PRKCH: variants seen among roughly 807,000 people sequenced by gnomAD.
PRKCH encodes the protein protein kinase C eta.
PRKCH carries 28 observed loss-of-function variants against 82.5 expected under a neutral mutation model. That is an observed-to-expected ratio of 0.34 (90% CI 0.25 to 0.47). The LOEUF (loss-of-function observed/expected upper bound fraction) is 0.47. PRKCH is among the 20% of genes least tolerant of loss of function. The pLI is 1.00. For synonymous variants in PRKCH, 322 were observed against 327.4 expected (o/e 0.98, Z 0.18); for missense variants, 705 against 881.8 (o/e 0.80, Z 2.54).
At position 61,217,391 on chromosome 14, in the gene PRKCH, G is replaced by GA. The variant is rs2044623510; in HGVS notation, c.-19+29724dup. 2.0e-5 allele frequency among the ~76,000 whole-genome samples: 3 copies of GA among 152,188 alleles called. No individual in the cohort carries two copies. In the South Asian group the frequency reaches 6.2e-4, roughly 32 times the overall value. On this transcript the variant is annotated intron_variant, in intron 1 of 3. Transcript: ENST00000555185. ...CATGCCACTACACTCCAGCCTAGGTGACGGAGCAAGACCCTGTCTCAAAAA... is the reference window on the plus strand; with the variant it reads ...CATGCCACTACACTCCAGCCTAGGTGAACGGAGCAAGACCCTGTCTCAAAAA...
At chr14:61,502,519 G>A (rs1886963901) in intron 10 of PRKCH, among the ~76,000 whole-genome samples, 1 of 152,122 alleles carries the variant, frequency 6.6e-6, no homozygotes, top group South Asian at 2.1e-4. Flanking sequence ...TTTCTTTCCA[G>A]CACTACTGCT....
At chr14:61,382,472 C>G (rs1037963082) in intron 1 of PRKCH, among the ~76,000 whole-genome samples, 3 of 151,966 alleles carry the variant, frequency 2.0e-5, no homozygotes, top group African/African-American at 7.3e-5. Flanking sequence ...CAAGAAAAAC[C>G]AATACAATCT....
chr14:61,283,805 C>T (rs1035297964), intron 1 of PRKCH, among the ~76,000 whole-genome samples: 2 of 151,906 alleles, frequency 1.3e-5, no homozygotes, highest in Admixed American at 6.6e-5. Flanking sequence ...GTACTCCAGC[C>T]TGGACAACAG....
At position 61,437,688 on chromosome 14, in the gene PRKCH, A is replaced by T. The variant is rs192731078; in HGVS notation, c.428-5423A>T. ...CAGTGCAGGGTGTGTGGAAGATTTTAGTGTCAGTTCTAGCACAAGCTAGCT... is the reference window on the plus strand; with the variant it reads ...CAGTGCAGGGTGTGTGGAAGATTTTTGTGTCAGTTCTAGCACAAGCTAGCT... On this transcript the variant is annotated intron_variant, in intron 2 of 13. Coordinates refer to ENST00000332981, the MANE Select transcript of PRKCH (RefSeq NM_006255.5). 1.1e-4 allele frequency among the ~76,000 whole-genome samples: 17 copies of T among 152,144 alleles called. No individual in the cohort carries two copies. The East Asian group carries it at 2.9e-3, about 26-fold the overall frequency.
chr14:61,225,114 G>A (rs964435243), intron 1 of PRKCH, among the ~76,000 whole-genome samples: 5 of 152,180 alleles, frequency 3.3e-5, no homozygotes, highest in Non-Finnish European at 7.3e-5. Context: ...CTAGGACAAT[G>A]CTCTCTCCAT....
At chr14:61,471,255 CT>C (rs11353815) in intron 9 of PRKCH, among the ~76,000 whole-genome samples, 117,844 of 152,128 alleles carry the variant, frequency 0.77, 46,474 homozygotes, top group Non-Finnish European at 0.85. Context: ...CCTGATAGGA[CT>C]TTTTAAAGAG....
rs1209034481 is a variant in PRKCH at position 61,239,491 on chromosome 14, C to T, written c.-19+51823C>T. 2.0e-5 allele frequency among the ~76,000 whole-genome samples: 3 copies of T among 152,158 alleles called. No individual in the cohort carries two copies. In the East Asian group the frequency reaches 5.8e-4, roughly 29 times the overall value. On this transcript the variant is annotated intron_variant, in intron 1 of 3. Coordinates refer to the PRKCH transcript ENST00000555185. The stretch of plus-strand genomic sequence containing the variant: ...TCTGATGTAACTGCTTCGAGGTACC[C>T]GGATGGCCTCTCTCTCCCTCTTCAG...
At chr14:61,390,149 A>G (rs1395100333) in intron 1 of PRKCH, among the ~76,000 whole-genome samples, 1 of 152,208 alleles carries the variant, frequency 6.6e-6, no homozygotes, top group Non-Finnish European at 1.5e-5. Context: ...TGAAGTTAGC[A>G]TCCGGTAGGA....
intron 10 of PRKCH, among the ~76,000 whole-genome samples, chr14:61,499,437 G>A (rs942215410): frequency 6.6e-6 from 1 of 152,260 alleles, no homozygotes; most frequent in South Asian, 2.1e-4. Context: ...TCCTGGGGGT[G>A]TCTGGTTTGC....
chr14:61,438,273 TTAA>T (rs1368064574), intron 2 of PRKCH, among the ~76,000 whole-genome samples: 3 of 152,130 alleles, frequency 2.0e-5, no homozygotes, highest in African/African-American at 7.2e-5. Flanking sequence ...TGTAGCCCCC[TTAA>T]AGATAAGCCA....
At chr14:61,470,705 G>A (rs1885463415) in intron 9 of PRKCH, among the ~76,000 whole-genome samples, 1 of 152,132 alleles carries the variant, frequency 6.6e-6, no homozygotes, top group Non-Finnish European at 1.5e-5. Flanking sequence ...TTATGGCTTA[G>A]GTGTTACAAA....
chr14:61,490,569 G>A (rs1156280377), intron 10 of PRKCH, among the ~76,000 whole-genome samples: 1 of 152,146 alleles, frequency 6.6e-6, no homozygotes, highest in East Asian at 1.9e-4. Context: ...TCTCCTCTGT[G>A]AGCACCACTT....
intron 6 of PRKCH, 61 bp from the exon 7 acceptor site, chr14:61,453,165 T>G: frequency 1.9e-6 from 3 of 1,598,982 alleles, no homozygotes; most frequent in Non-Finnish European, 2.6e-6. Flanking sequence ...AGTTCTCTGT[T>G]GCAGCACATG....
At chr14:61,344,741 T>G (rs2045970843) in intron 1 of PRKCH, among the ~76,000 whole-genome samples, 1 of 152,110 alleles carries the variant, frequency 6.6e-6, no homozygotes, top group Admixed American at 6.5e-5. Context: ...TTTGCTTGGG[T>G]GATGGCTGTT....
At chr14:61,230,218 C>T (rs1279319270) in intron 1 of PRKCH, among the ~76,000 whole-genome samples, 1 of 152,130 alleles carries the variant, frequency 6.6e-6, no homozygotes, top group Non-Finnish European at 1.5e-5. Context: ...CTCCTGCTTC[C>T]AATGCATACG....
At chr14:61,271,152 TC>T (rs1430552590) in intron 1 of PRKCH, among the ~76,000 whole-genome samples, 3 of 152,168 alleles carry the variant, frequency 2.0e-5, no homozygotes, top group African/African-American at 7.2e-5. Flanking sequence ...TGTACCCACC[TC>T]CCACAGTATT....
intron 1 of PRKCH, among the ~76,000 whole-genome samples, chr14:61,203,095 C>T (rs1023785289): frequency 6.6e-6 from 1 of 152,026 alleles, no homozygotes; most frequent in African/African-American, 2.4e-5. Context: ...TCCCTCTTAC[C>T]CACGAAGTGA....
At chr14:61,379,006 T>C (rs1378818797) in intron 1 of PRKCH, among the ~76,000 whole-genome samples, 1 of 152,230 alleles carries the variant, frequency 6.6e-6, no homozygotes, top group African/African-American at 2.4e-5. Flanking sequence ...GTAACTTTCC[T>C]GATTGAAACC....
chr14:61,301,593 A>G (rs921688832), intron 1 of PRKCH, among the ~76,000 whole-genome samples: 2 of 152,184 alleles, frequency 1.3e-5, no homozygotes, highest in African/African-American at 2.4e-5. Flanking sequence ...TATAATCCCA[A>G]AACTTTGGGA....
Sources: allele counts gnomAD v4.1 joint callset (sites outside exome capture counted in the v4.1 genomes callset), GRCh38; gene constraint gnomAD v4.1.1; transcripts MANE v1.5; gene names NCBI Gene and HGNC (gene_info 2026-07-23, HGNC 2026-07-21).